ZFAND3: variants seen among roughly 807,000 people sequenced by gnomAD.
ZFAND3 encodes zinc finger AN1-type containing 3.
Under a neutral mutation model 29.6 loss-of-function variants are expected in ZFAND3, and 10 were observed. The observed-to-expected ratio is 0.34, with a 90% confidence interval of 0.21 to 0.57. The LOEUF is 0.57. Among genes scored for constraint, ZFAND3 ranks in the 20% least tolerant of loss-of-function variants. The pLI is 0.86. For missense variants in ZFAND3, 230 were observed against 304.5 expected, an observed-to-expected ratio of 0.76 and a Z score of 1.82; for synonymous variants, 128 against 112.6, an observed-to-expected ratio of 1.14 and a Z score of -0.87.
At chr6:38,116,863 G>A in intron 5 of ZFAND3, 124 bp downstream of exon 5, 1 of 1,240,014 alleles carries the variant, frequency 8.1e-7, no homozygotes, top group Non-Finnish European at 1.1e-6. Flanking sequence ...CTACAGTAGT[G>A]CATGCGATAT....
intron 2 of ZFAND3, among the ~76,000 whole-genome samples, chr6:37,989,207 CT>C (rs1372765707): frequency 6.6e-6 from 1 of 152,222 alleles, no homozygotes; most frequent in Non-Finnish European, 1.5e-5. Context: ...CATGCCCAGC[CT>C]AGCTGAACAT....
At chr6:37,891,940 G>A (rs994123969) in intron 1 of ZFAND3, among the ~76,000 whole-genome samples, 2 of 152,148 alleles carry the variant, frequency 1.3e-5, no homozygotes, top group Non-Finnish European at 1.5e-5. Context: ...TGTTGCCCAG[G>A]TTAGTCTCGA....
At chr6:38,086,339 C>T (rs545727279) in intron 4 of ZFAND3, among the ~76,000 whole-genome samples, 2 of 152,232 alleles carry the variant, frequency 1.3e-5, no homozygotes, top group East Asian at 1.9e-4. Flanking sequence ...GGTGTGTGGT[C>T]GTTCCCACTC....
intron 1 of ZFAND3, among the ~76,000 whole-genome samples, chr6:37,927,027 C>A (rs1181556549): frequency 6.6e-6 from 1 of 152,112 alleles, no homozygotes; most frequent in African/African-American, 2.4e-5. Flanking sequence ...TTTAAAACAT[C>A]TCTGTTTTGA....
intron 1 of ZFAND3, among the ~76,000 whole-genome samples, chr6:37,837,373 G>T (rs1321198902): frequency 6.6e-6 from 1 of 152,204 alleles, no homozygotes; most frequent in South Asian, 2.1e-4. Context: ...TGCTGTGTGT[G>T]ATTTTCTGTA....
At chr6:38,005,941 T>G (rs1471650420) in intron 2 of ZFAND3, among the ~76,000 whole-genome samples, 1 of 152,176 alleles carries the variant, frequency 6.6e-6, no homozygotes, top group African/African-American at 2.4e-5. Flanking sequence ...TTAAAAGTTC[T>G]TAGTTAGGTA....
At chr6:37,997,300 C>T (rs1762867755) in intron 2 of ZFAND3, among the ~76,000 whole-genome samples, 1 of 152,028 alleles carries the variant, frequency 6.6e-6, no homozygotes, top group Admixed American at 6.5e-5. Flanking sequence ...CTTTTAGTTC[C>T]TATATTTTCA....
At chr6:38,011,191 AG>A (rs1336687107) in intron 2 of ZFAND3, among the ~76,000 whole-genome samples, 2 of 152,002 alleles carry the variant, frequency 1.3e-5, no homozygotes, top group Admixed American at 1.3e-4. Flanking sequence ...AATTTACCAC[AG>A]TTTGTTGAGC....
rs1765043215 is a variant in ZFAND3 at position 38,099,170 on chromosome 6, C to G, written c.361+16713C>G. Among the ~76,000 whole-genome samples, 5 of 152,138 alleles carry G rather than the reference C, an allele frequency of 3.3e-5. No homozygotes were observed. The South Asian group carries it at 1.0e-3, about 31-fold the overall frequency. ...GTTAATAGTTTCTTGCGATTAAAAT[C>G]TGGGTAAGAAAGACTGGCTGTTGCA... On this transcript the variant is annotated intron_variant, in intron 4 of 5. Transcript: ENST00000287218.
chr6:38,099,265 T>C (rs1313136609), intron 4 of ZFAND3, among the ~76,000 whole-genome samples: 1 of 152,164 alleles, frequency 6.6e-6, no homozygotes, highest in African/African-American at 2.4e-5. Flanking sequence ...AATCAGACAG[T>C]TTAACCTTGG....
At chr6:38,051,814 G>T (rs1764032853) in intron 2 of ZFAND3, among the ~76,000 whole-genome samples, 1 of 152,214 alleles carries the variant, frequency 6.6e-6, no homozygotes, top group South Asian at 2.1e-4. Flanking sequence ...AGACTGAAAT[G>T]AGGTAAATGT....
At chr6:38,083,431 GT>G (rs1764701036) in intron 4 of ZFAND3, among the ~76,000 whole-genome samples, 1 of 152,176 alleles carries the variant, frequency 6.6e-6, no homozygotes, top group Middle Eastern at 3.4e-3. Context: ...CTTGTGCCCG[GT>G]TCCCAAGCTC....
chr6:38,001,902 GTCTTTTAGTCTTT>G lies in ZFAND3; in HGVS notation c.113-59679_113-59667del, dbSNP rs1015961739. ...TGTTGGTCTGTTATCTTTTCTTTTT[GTCTTTTAGTCTTT>G]TCTTTTAGTCTAAATATTGATATAT... On this transcript the variant is annotated intron_variant, in intron 2 of 5. Coordinates refer to ENST00000287218, the MANE Select transcript of ZFAND3 (RefSeq NM_021943.3). Among the ~76,000 whole-genome samples, 134 of 152,076 alleles carry G rather than the reference GTCTTTTAGTCTTT, an allele frequency of 8.8e-4. 2 individuals carry two copies. In the East Asian group the frequency reaches 0.022, roughly 25 times the overall value.
At position 38,154,142 on chromosome 6, in the gene ZFAND3, C is replaced by T; in HGVS notation, c.*1753C>T. 1 of 985,570 alleles carries T rather than the reference C, an allele frequency of 1.0e-6. No homozygotes were observed. The highest frequency in any genetic ancestry group is 1.2e-6 in the Non-Finnish European group (1 of 830,010). 61.1% of individuals were successfully genotyped at this position (985,570 alleles called of 1,614,324 possible). A position where few individuals can be genotyped will look rare whatever the true frequency, so the allele number is the denominator to read the frequency against. Reference sequence around the variant, plus strand: ...GGGGCCAGGTCTGCCCAGCGTTTACCACTGCTGTCAAGCCACAGCCCTTGG... The same window carrying T: ...GGGGCCAGGTCTGCCCAGCGTTTACTACTGCTGTCAAGCCACAGCCCTTGG... On this transcript the variant is annotated 3_prime_UTR_variant, in exon 6 of 6. Coordinates refer to ENST00000287218, the MANE Select transcript of ZFAND3 (RefSeq NM_021943.3).
chr6:37,967,942 C>G (rs576121558), intron 2 of ZFAND3, among the ~76,000 whole-genome samples: 68 of 152,190 alleles, frequency 4.5e-4, no homozygotes, highest in Admixed American at 2.3e-3. Context: ...TAACATAATC[C>G]TCTTGTTTTG....
intron 2 of ZFAND3, among the ~76,000 whole-genome samples, chr6:38,041,632 T>TTCTTCTTCTTCTTCTTCTTCTTCC (rs1240736211): frequency 4.4e-3 from 15 of 3,390 alleles, no homozygotes; most frequent in Non-Finnish European, 6.2e-3. Flanking sequence ...TATCTACTTT[T>TTCTTCTTCTTCTTCTTCTTCTTCC]TCTTCTTCTT....
intron 1 of ZFAND3, among the ~76,000 whole-genome samples, chr6:37,881,192 C>T (rs944623942): frequency 5.3e-5 from 8 of 152,228 alleles, no homozygotes; most frequent in Non-Finnish European, 1.2e-4. Flanking sequence ...CTGCCTCAGT[C>T]TCCCAAGTAG....
intron 1 of ZFAND3, among the ~76,000 whole-genome samples, chr6:37,919,649 G>C (rs947885739): frequency 1.5e-4 from 23 of 152,232 alleles, no homozygotes; most frequent in African/African-American, 5.3e-4. Context: ...TCATCTTGAC[G>C]TCATTTATGA....
intron 1 of ZFAND3, among the ~76,000 whole-genome samples, chr6:37,897,560 A>G (rs1765242106): frequency 1.3e-5 from 2 of 152,204 alleles, no homozygotes; most frequent in Non-Finnish European, 2.9e-5. Flanking sequence ...ATAGGTTATC[A>G]ATGCTAAGCT....
Sources: gnomAD v4.1 joint callset for allele counts (sites outside exome capture counted in the v4.1 genomes callset) on GRCh38, gnomAD v4.1.1 for gene constraint, MANE v1.5 for transcripts, NCBI Gene and HGNC (gene_info 2026-07-23, HGNC 2026-07-21) for gene names.